The following PAIP2B variants were observed in gnomAD, a reference collection of about 807,000 sequenced individuals.
PAIP2B encodes polyadenylate-binding protein-interacting protein 2B.
Under a neutral mutation model 17.0 loss-of-function variants are expected in PAIP2B, and 13 were observed. That is an observed-to-expected ratio of 0.76 (90% CI 0.50 to 1.22). The LOEUF is 1.22. PAIP2B is among the 50% of genes most tolerant of loss of function. The pLI is 0.00. For missense variants in PAIP2B, 117 were observed against 144.5 expected (o/e 0.81, Z 0.98); for synonymous variants, 43 against 48.7 (o/e 0.88, Z 0.48).
rs1212870812 is a variant in PAIP2B at position 71,212,111 on chromosome 2, ATTATTATATATAAAAAACC to A, written c.-11-9530_-11-9512del. 2.0e-5 allele frequency among the ~76,000 whole-genome samples: 3 copies of A among 152,358 alleles called. No individual in the cohort carries two copies. In the East Asian group the frequency reaches 5.8e-4, roughly 29 times the overall value. ...TAATCAAAAACATTCCTATGGGTAA[ATTATTATATATAAAAAACC>A]TTTCTCACCAACAAGTGTCTCCATA... On this transcript the variant is annotated intron_variant, in intron 1 of 3. Coordinates refer to ENST00000244221, the MANE Select transcript of PAIP2B (RefSeq NM_020459.1).
At chr2:71,205,859 G>A (rs1675112714) in intron 1 of PAIP2B, among the ~76,000 whole-genome samples, 1 of 152,186 alleles carries the variant, frequency 6.6e-6, no homozygotes, top group Non-Finnish European at 1.5e-5. Flanking sequence ...CTGAATGGCT[G>A]CCATGTTGTG....
intron 2 of PAIP2B, among the ~76,000 whole-genome samples, chr2:71,194,435 T>A (rs530286080): frequency 1.3e-5 from 2 of 150,318 alleles, no homozygotes; most frequent in East Asian, 4.0e-4. Context: ...ATCTTTTACC[T>A]CCCTGGTTAG....
intron 1 of PAIP2B, among the ~76,000 whole-genome samples, chr2:71,216,349 C>T (rs1396681842): frequency 1.3e-5 from 2 of 152,196 alleles, no homozygotes; most frequent in East Asian, 3.8e-4. Flanking sequence ...CCTGGCCTCT[C>T]TAAGCCTTGC....
Position 71,186,524 on chromosome 2 carries a change from T to C in PAIP2B, c.*1955A>G, listed in dbSNP as rs996237830. On this transcript the variant is annotated 3_prime_UTR_variant, in exon 4 of 4. Transcript: ENST00000244221. ...CCTTTCTCTCTGCAATCCCAACGCATTTCTAACAGCCTTCGGAATTCTGAG... is the reference window on the plus strand; with the variant it reads ...CCTTTCTCTCTGCAATCCCAACGCACTTCTAACAGCCTTCGGAATTCTGAG... 3.9e-5 allele frequency: 6 copies of C among 152,194 alleles called. No individual in the cohort carries two copies. The highest frequency in any genetic ancestry group is 1.2e-4 in the African/African-American group (5 of 41,442). The allele number at this position is 152,194 out of a possible 1,614,324, so 9.4% of individuals were successfully genotyped here. A position where few individuals can be genotyped will look rare whatever the true frequency, so the allele number is the denominator to read the frequency against.
chr2:71,217,720 C>T (rs1485095351), intron 1 of PAIP2B, among the ~76,000 whole-genome samples: 3 of 152,062 alleles, frequency 2.0e-5, no homozygotes, highest in African/African-American at 7.2e-5. Context: ...TACCTCAGTA[C>T]TAGCAATAAA....
chr2:71,205,921 G>A (rs1443751476), intron 1 of PAIP2B, among the ~76,000 whole-genome samples: 8 of 152,156 alleles, frequency 5.3e-5, no homozygotes, highest in Non-Finnish European at 1.2e-4. Context: ...TCATGTAAGT[G>A]AGCTTAGAAG....
At chr2:71,213,123 A>T (rs1675342353) in intron 1 of PAIP2B, among the ~76,000 whole-genome samples, 1 of 152,160 alleles carries the variant, frequency 6.6e-6, no homozygotes, top group Non-Finnish European at 1.5e-5. Flanking sequence ...AGCATTAATA[A>T]CACCAAATGA....
At chr2:71,223,183 T>C (rs1558784899) in intron 1 of PAIP2B, among the ~76,000 whole-genome samples, 2 of 152,090 alleles carry the variant, frequency 1.3e-5, no homozygotes, top group Non-Finnish European at 2.9e-5. Context: ...GAGGCCAAGA[T>C]GGGTGGATTC....
chr2:71,210,084 A>C (rs1464107566), intron 1 of PAIP2B, among the ~76,000 whole-genome samples: 2 of 152,184 alleles, frequency 1.3e-5, no homozygotes, highest in African/African-American at 4.8e-5. Flanking sequence ...TCAGCCTCCC[A>C]AAGTGCTGGG....
At chr2:71,223,274 G>A (rs1277356288) in intron 1 of PAIP2B, among the ~76,000 whole-genome samples, 1 of 152,054 alleles carries the variant, frequency 6.6e-6, no homozygotes, top group Non-Finnish European at 1.5e-5. Context: ...TTCGTTGGGT[G>A]TGGTGGTGTG....
In PAIP2B at chr2:71,188,372, C is replaced by T. The variant is rs1036426172; in HGVS notation, c.*107G>A. On this transcript the variant is annotated 3_prime_UTR_variant, in exon 4 of 4. Coordinates refer to ENST00000244221, the MANE Select transcript of PAIP2B (RefSeq NM_020459.1). Reference sequence around the variant, plus strand: ...ATTGTGAGACCACCACTCCCCTTCCCGCTGTGCACCCCTCGCCCGCCCCAT... The same window carrying T: ...ATTGTGAGACCACCACTCCCCTTCCTGCTGTGCACCCCTCGCCCGCCCCAT... The T allele has an allele frequency of 1.3e-5, 11 of 854,474 alleles. No individual in the cohort carries two copies. The highest frequency in any genetic ancestry group is 1.7e-5 in the Non-Finnish European group (9 of 528,090). The allele number at this position is 854,474 out of a possible 1,614,324, so 52.9% of individuals were successfully genotyped here.
intron 2 of PAIP2B, 58 bp from the exon 3 acceptor site, chr2:71,190,079 A>G: frequency 2.0e-6 from 3 of 1,493,830 alleles, no homozygotes; most frequent in Non-Finnish European, 2.7e-6. Context: ...TACCCCTTCC[A>G]GTTTTTCCTC....
intron 1 of PAIP2B, among the ~76,000 whole-genome samples, chr2:71,215,310 A>G (rs1176897535): frequency 1.3e-5 from 2 of 152,092 alleles, no homozygotes; most frequent in Non-Finnish European, 2.9e-5. Flanking sequence ...AAAAAAAAAG[A>G]AAAAATGCAG....
chr2:71,222,815 C>T (rs1220463434), intron 1 of PAIP2B, among the ~76,000 whole-genome samples: 1 of 152,206 alleles, frequency 6.6e-6, no homozygotes, highest in East Asian at 1.9e-4. Context: ...CTATAATATC[C>T]TGCCACTTAC....
At chr2:71,213,658 T>C (rs2103811857) in intron 1 of PAIP2B, among the ~76,000 whole-genome samples, 1 of 152,332 alleles carries the variant, frequency 6.6e-6, no homozygotes, top group East Asian at 1.9e-4. Flanking sequence ...AGTCTGTGGA[T>C]TTTTTGGTGT....
chr2:71,220,160 C>T (rs1430715655), intron 1 of PAIP2B, among the ~76,000 whole-genome samples: 1 of 152,198 alleles, frequency 6.6e-6, no homozygotes, highest in African/African-American at 2.4e-5. Context: ...AAATTCATTT[C>T]CGAAGGTGCC....
Position 71,190,001 on chromosome 2 carries a change from C to T in PAIP2B, c.159G>A (p.Glu53=). 2 of 1,612,092 alleles carry T rather than the reference C, an allele frequency of 1.2e-6. No individual in the cohort carries two copies. Among genetic ancestry groups the T allele is most frequent in the Non-Finnish European group, 1.7e-6 (2 of 1,179,196 alleles). ...FNRQVEEELQ[E]QDFLDRCFQE... is the part of the protein sequence containing the mutation. ...GGAAGCAGCGGTCCAAGAAGTCTTG[C>T]TCCTGCAGTTCCTCCTCCACCTAGC... Residue 53 remains glutamate, a synonymous_variant, in exon 3 of 4, where the codon GAG becomes GAA. Transcript: ENST00000244221.
chr2:71,194,771 G>A (rs1299170252), intron 2 of PAIP2B, among the ~76,000 whole-genome samples: 1 of 152,104 alleles, frequency 6.6e-6, no homozygotes, highest in Non-Finnish European at 1.5e-5. Flanking sequence ...TATGTTGAAT[G>A]TAAGTGGTGA....
intron 1 of PAIP2B, among the ~76,000 whole-genome samples, chr2:71,207,736 T>C (rs2103797264): frequency 6.6e-6 from 1 of 152,148 alleles, no homozygotes; most frequent in South Asian, 2.1e-4. Context: ...ATGAACTAGA[T>C]GTGGGGAGTC....
Sources: allele counts gnomAD v4.1 joint callset (sites outside exome capture counted in the v4.1 genomes callset), GRCh38; gene constraint gnomAD v4.1.1; transcripts MANE v1.5; gene names NCBI Gene and HGNC (gene_info 2026-07-23, HGNC 2026-07-21).